Variants in FOXP2 observed in about 807,000 individuals in gnomAD.
The protein encoded by FOXP2 is forkhead box P2.
A neutral mutation model predicts 115.8 loss-of-function variants in FOXP2; 12 were observed. The ratio of observed to expected loss-of-function variants is 0.10; its 90% CI spans 0.07 to 0.17. The LOEUF (loss-of-function observed/expected upper bound fraction) is 0.17, where lower values mean the gene tolerates loss of function less well. Ranked by LOEUF, FOXP2 falls within the 10% of genes least tolerant of loss-of-function variation. The pLI, the probability that FOXP2 is intolerant of heterozygous loss-of-function variation, is 1.00. For synonymous variants in FOXP2, 328 were observed against 297.7 expected (o/e 1.10, Z -1.05); for missense variants, 629 against 843.5 (o/e 0.75, Z 3.15).
chr7:114,416,422 C>T (rs1793344592), intron 1 of FOXP2: 1 of 140,418 alleles, frequency 7.1e-6, no homozygotes, highest in Non-Finnish European at 1.6e-5. Flanking sequence ...CATTCTTCAC[C>T]TTCAGGTAAT....
intron 3 of FOXP2, among the ~76,000 whole-genome samples, chr7:114,553,006 T>C (rs1800286124): frequency 6.6e-6 from 1 of 152,162 alleles, no homozygotes; most frequent in African/African-American, 2.4e-5. Context: ...TCCCAGTCAC[T>C]TTTGAAACAG....
At chr7:114,381,043 T>A (rs1478438178) in intron 2 of FOXP2, among the ~76,000 whole-genome samples, 2 of 152,246 alleles carry the variant, frequency 1.3e-5, no homozygotes, top group Non-Finnish European at 2.9e-5. Context: ...GGTGTCCATC[T>A]TACTAAATGG....
intron 2 of FOXP2, chr7:114,498,929 T>C (rs1268461968): frequency 2.8e-6 from 2 of 717,910 alleles, no homozygotes; most frequent in Non-Finnish European, 2.6e-6. Context: ...AGTCTTTGGA[T>C]CTATACTTAA....
At chr7:114,162,667 A>T (rs564983108), upstream of FOXP2, among the ~76,000 whole-genome samples, 29 of 152,224 alleles carry the variant, frequency 1.9e-4, no homozygotes, top group African/African-American at 6.7e-4. Context: ...AATACATTTG[A>T]GTAGGCTTTG....
intron 1 of FOXP2, among the ~76,000 whole-genome samples, chr7:114,119,375 T>C (rs1277926003): frequency 2.6e-5 from 4 of 152,160 alleles, no homozygotes; most frequent in Non-Finnish European, 5.9e-5. Flanking sequence ...GCAATTATTT[T>C]GATTATTAAT....
chr7:114,293,943 T>C (rs796557328), intron 2 of FOXP2, among the ~76,000 whole-genome samples: 7 of 152,336 alleles, frequency 4.6e-5, no homozygotes, highest in African/African-American at 1.4e-4. Context: ...TATGCACTCA[T>C]AGATAATTAA....
At chr7:114,222,180 A>G (rs1007733426) in intron 1 of FOXP2, among the ~76,000 whole-genome samples, 1 of 152,178 alleles carries the variant, frequency 6.6e-6, no homozygotes, top group Non-Finnish European at 1.5e-5. Flanking sequence ...TTGTTCAGAC[A>G]GGATTTCCTG....
Position 114,628,628 on chromosome 7 carries a change from A to G in FOXP2, c.347A>G (p.Gln116Arg). ...QILQQQVLSPQQLQALLQQQQ... is the reference protein window; with the variant it reads ...QILQQQVLSPRQLQALLQQQQ... ...CTTCAGCAACAAGTCCTGTCTCCTC[A>G]GCAGCTACAAGCCCTTCTCCAACAA... The change falls in exon 4 of 17, where the codon CAG (glutamine) becomes CGG (arginine). Residue 116 changes from glutamine to arginine, a missense_variant. Gln to Arg is a conservative substitution (Grantham distance 43). This residue lies in a region of FOXP2 where 138 missense variants were observed against 205.1 expected (regional missense o/e 0.67). Coordinates refer to ENST00000350908, the MANE Select transcript of FOXP2 (RefSeq NM_014491.4). 1 of 1,614,046 alleles carries G rather than the reference A, an allele frequency of 6.2e-7. No homozygotes were observed.
intron 3 of FOXP2, among the ~76,000 whole-genome samples, chr7:114,627,422 G>T (rs1804650968): frequency 6.6e-6 from 1 of 152,030 alleles, no homozygotes; most frequent in African/African-American, 2.4e-5. Context: ...TGCAAACTTG[G>T]AAAGTTGACA....
intron 2 of FOXP2, among the ~76,000 whole-genome samples, chr7:114,370,953 T>C (rs1246678629): frequency 6.6e-6 from 1 of 152,192 alleles, no homozygotes; most frequent in East Asian, 1.9e-4. Context: ...CTGTTTTATT[T>C]TGGAGCCAAA....
chr7:114,395,008 T>A (rs911865818), intron 2 of FOXP2, among the ~76,000 whole-genome samples: 1 of 152,116 alleles, frequency 6.6e-6, no homozygotes, highest in Non-Finnish European at 1.5e-5. Context: ...GAAAAAATTC[T>A]TGTTTCTAAG....
intron 1 of FOXP2, among the ~76,000 whole-genome samples, chr7:114,278,798 C>G (rs543449982): frequency 6.6e-6 from 1 of 152,288 alleles, no homozygotes; most frequent in African/African-American, 2.4e-5. Context: ...CCAACCTCAG[C>G]TCCTTTGAAC....
At chr7:114,107,844 T>C (rs1358566123) in intron 1 of FOXP2, among the ~76,000 whole-genome samples, 15 of 151,918 alleles carry the variant, frequency 9.9e-5, no homozygotes, top group Admixed American at 7.9e-4. Flanking sequence ...CACGGTCTGG[T>C]CCTGCCCTAG....
intron 2 of FOXP2, 108 bp from the exon 3 acceptor site, chr7:114,534,509 G>T: frequency 2.2e-6 from 2 of 905,170 alleles, no homozygotes; most frequent in East Asian, 4.8e-5. Flanking sequence ...TCTCTAGAAA[G>T]GAATATGGGA....
At chr7:114,149,648 G>A (rs553940972) in intron 1 of FOXP2, among the ~76,000 whole-genome samples, 2 of 151,766 alleles carry the variant, frequency 1.3e-5, no homozygotes, top group African/African-American at 2.4e-5. Context: ...TAATAAAATA[G>A]TTTCTTTCAA....
rs1329424103 is a variant in FOXP2, at chr7:114,641,865, G to A, written c.776-545G>A. Among the ~76,000 whole-genome samples the A allele has an allele frequency of 2.0e-5, 3 of 151,756 alleles. No homozygotes were observed. In the East Asian group the frequency reaches 5.8e-4, roughly 29 times the overall value. ...CTCTCACCCAGGCTAGAGTGCAGTG[G>A]TACAATCTCAGCTCACTGCAACCTC... On this transcript the variant is annotated intron_variant, in intron 6 of 16. Transcript: ENST00000350908.
At chr7:114,367,611 T>C (rs1296901907) in intron 2 of FOXP2, among the ~76,000 whole-genome samples, 1 of 152,198 alleles carries the variant, frequency 6.6e-6, no homozygotes, top group Non-Finnish European at 1.5e-5. Flanking sequence ...TCAGTACAAC[T>C]CTGAACTATC....
intron 1 of FOXP2, among the ~76,000 whole-genome samples, chr7:114,209,262 T>C: frequency 6.6e-6 from 1 of 152,194 alleles, no homozygotes; most frequent in African/African-American, 2.4e-5. Flanking sequence ...TCCACCATGA[T>C]TGTAAGTTTC....
At chr7:114,474,295 T>G (rs1796164082) in intron 2 of FOXP2, among the ~76,000 whole-genome samples, 1 of 152,202 alleles carries the variant, frequency 6.6e-6, no homozygotes, top group African/African-American at 2.4e-5. Context: ...AATACTCAAA[T>G]CGGCACTATT....
Sources: allele counts gnomAD v4.1 joint callset (sites outside exome capture counted in the v4.1 genomes callset), GRCh38; gene constraint gnomAD v4.1.1; regional missense constraint gnomAD v4.1.1; transcripts MANE v1.5; gene names NCBI Gene and HGNC (gene_info 2026-07-23, HGNC 2026-07-21).